SEPTIN9: variants seen among roughly 807,000 people sequenced by gnomAD.
SEPTIN9 encodes septin-9.
Under a neutral mutation model 56.6 loss-of-function variants are expected in SEPTIN9, and 13 were observed. The observed-to-expected ratio is 0.23, with a 90% CI of 0.15 to 0.37. The LOEUF (loss-of-function observed/expected upper bound fraction) is 0.37, where lower values mean the gene tolerates loss of function less well. SEPTIN9 is among the 10% of genes least tolerant of loss of function. The probability of loss-of-function intolerance (pLI) is 1.00; values close to 1 mark genes in which losing one functional copy is unlikely to be tolerated. For synonymous variants in SEPTIN9, 332 were observed against 334.1 expected, an observed-to-expected ratio of 0.99 and a Z score of 0.07; for missense variants, 650 against 823.1, an observed-to-expected ratio of 0.79 and a Z score of 2.57.
chr17:77,328,890 G>A (rs1212037921), intron 2 of SEPTIN9, among the ~76,000 whole-genome samples: 1 of 152,214 alleles, frequency 6.6e-6, no homozygotes, highest in Non-Finnish European at 1.5e-5. Flanking sequence ...GTGGCGAGGG[G>A]ATTAATGGAA....
intron 3 of SEPTIN9, among the ~76,000 whole-genome samples, chr17:77,441,004 T>TGGG (rs2037528601): frequency 6.6e-6 from 1 of 152,094 alleles, no homozygotes; most frequent in Non-Finnish European, 1.5e-5. Context: ...TGGAGTGAGC[T>TGGG]GGGGGAGAAG....
At chr17:77,393,906 C>A (rs994569963) in intron 2 of SEPTIN9, among the ~76,000 whole-genome samples, 14 of 152,126 alleles carry the variant, frequency 9.2e-5, no homozygotes, top group African/African-American at 2.9e-4. Context: ...CTTATTACCC[C>A]ATCACCTCCT....
chr17:77,394,757 A>G (rs1432829903), intron 2 of SEPTIN9, among the ~76,000 whole-genome samples: 1 of 152,168 alleles, frequency 6.6e-6, no homozygotes, highest in African/African-American at 2.4e-5. Flanking sequence ...GCGGTTTGCC[A>G]GGCAGCCTGT....
rs1318230682 is a variant in SEPTIN9 at position 77,292,988 on chromosome 17, GCATTTATTTATTTATT to G, written c.19+11435_19+11450del. Among the ~76,000 whole-genome samples, 39 of 147,832 alleles carry G rather than the reference GCATTTATTTATTTATT, an allele frequency of 2.6e-4. No individual in the cohort carries two copies. In the South Asian group the frequency reaches 3.9e-3, roughly 15 times the overall value. On this transcript the variant is annotated intron_variant, in intron 1 of 11. Coordinates refer to ENST00000427177, the MANE Select transcript of SEPTIN9 (RefSeq NM_001113491.2). The stretch of plus-strand genomic sequence containing the variant: ...TAACCAGGAAATGGAAACCGCTTGA[GCATTTATTTATTTATT>G]TATTTATTTATTTATTTATTTATTT...
intron 2 of SEPTIN9, among the ~76,000 whole-genome samples, chr17:77,385,538 A>G (rs958476313): frequency 6.6e-6 from 1 of 152,244 alleles, no homozygotes; most frequent in African/African-American, 2.4e-5. Flanking sequence ...CCCCTCTTAA[A>G]ACAAGAATAA....
In SEPTIN9 at chr17:77,372,077, C is replaced by T. The variant is rs1283346980; in HGVS notation, c.77-29982C>T. Among the ~76,000 whole-genome samples the T allele has an allele frequency of 2.6e-5, 4 of 152,178 alleles. No individual in the cohort carries two copies. In the East Asian group the frequency reaches 7.7e-4, roughly 29 times the overall value. On this transcript the variant is annotated intron_variant, in intron 2 of 11. Coordinates refer to ENST00000427177, the MANE Select transcript of SEPTIN9 (RefSeq NM_001113491.2). ...GATGAGCTGTCAGGCGCTCCCCGGC[C>T]ACACATTCAAGGGACCGGAGTGCAG...
At chr17:77,397,849 C>T (rs2035772626) in intron 2 of SEPTIN9, among the ~76,000 whole-genome samples, 1 of 152,156 alleles carries the variant, frequency 6.6e-6, no homozygotes, top group Admixed American at 6.5e-5. Flanking sequence ...CAGGGTTTTA[C>T]CATGTTGGCC....
chr17:77,286,045 T>C (rs962197169), intron 1 of SEPTIN9, among the ~76,000 whole-genome samples: 3 of 152,348 alleles, frequency 2.0e-5, no homozygotes, highest in Middle Eastern at 6.8e-3. Flanking sequence ...TCTCGCTGCC[T>C]CTTGCCTCCT....
intron 2 of SEPTIN9, among the ~76,000 whole-genome samples, chr17:77,394,250 A>G (rs1304302859): frequency 6.6e-6 from 1 of 152,174 alleles, no homozygotes; most frequent in Non-Finnish European, 1.5e-5. Flanking sequence ...GAGTGAAGAC[A>G]AGGAGGTGCC....
intron 3 of SEPTIN9, among the ~76,000 whole-genome samples, chr17:77,460,391 G>A (rs1381410435): frequency 2.0e-5 from 3 of 152,114 alleles, no homozygotes; most frequent in East Asian, 1.9e-4. Context: ...TGCTGGGGAG[G>A]AAAGAGCTAA....
intron 2 of SEPTIN9, among the ~76,000 whole-genome samples, chr17:77,359,665 C>A (rs557026942): frequency 2.0e-5 from 3 of 152,180 alleles, no homozygotes; most frequent in African/African-American, 7.2e-5. Context: ...GTGGTGGCAC[C>A]TGTAGACCCA....
Position 77,405,696 on chromosome 17 carries a change from G to A in SEPTIN9, c.721+2993G>A, listed in dbSNP as rs4789002. On this transcript the variant is annotated intron_variant, in intron 3 of 11. Transcript: ENST00000427177. The surrounding 1 kb of genome is among the most constrained non-coding windows in gnomAD (Gnocchi z 5.8). ...TCCGATGGGAGTGGCTTCTCGGGGGGCCCAGGCCTGAGCCCCACTAGTTCT... is the reference window on the plus strand; with the variant it reads ...TCCGATGGGAGTGGCTTCTCGGGGGACCCAGGCCTGAGCCCCACTAGTTCT... 0.024 allele frequency among the ~76,000 whole-genome samples: 3,625 copies of A among 152,064 alleles called. 155 individuals carry two copies. The highest frequency in any genetic ancestry group is 0.16 in the East Asian group (825 of 5,122).
chr17:77,331,824 A>G (rs1182560236), intron 2 of SEPTIN9, among the ~76,000 whole-genome samples: 1 of 152,126 alleles, frequency 6.6e-6, no homozygotes, highest in Non-Finnish European at 1.5e-5. Context: ...TTCCTGTCCT[A>G]ACTGGGCGGG....
At chr17:77,396,713 G>A (rs1217944450) in intron 2 of SEPTIN9, among the ~76,000 whole-genome samples, 4 of 152,122 alleles carry the variant, frequency 2.6e-5, no homozygotes, top group African/African-American at 4.8e-5. Context: ...AATGTTTCCC[G>A]GCTGGGTACA....
intron 7 of SEPTIN9, among the ~76,000 whole-genome samples, chr17:77,489,329 G>C (rs1357734101): frequency 6.6e-6 from 1 of 152,214 alleles, no homozygotes; most frequent in Non-Finnish European, 1.5e-5. Context: ...CGGGGCTGCT[G>C]TTGGTGTTGG....
intron 4 of SEPTIN9, chr17:77,482,745 C>T (rs2039511352): frequency 1.7e-6 from 1 of 583,768 alleles, no homozygotes; most frequent in African/African-American, 1.9e-5. Flanking sequence ...GGCTTCCCAG[C>T]AGCTCAGCTT....
At chr17:77,340,947 A>G (rs7221499) in intron 2 of SEPTIN9, among the ~76,000 whole-genome samples, 30,422 of 152,218 alleles carry the variant, frequency 0.2, 3,227 homozygotes, top group Middle Eastern at 0.27. Context: ...CCTTCATACC[A>G]TTGAAGAGAG....
Position 77,487,535 on chromosome 17 carries a change from TC to T in SEPTIN9, c.1026del (p.Lys343SerfsTer14). On this transcript the variant is annotated frameshift_variant, in exon 5 of 12. Coordinates refer to ENST00000427177, the MANE Select transcript of SEPTIN9 (RefSeq NM_001113491.2). LOFTEE classifies it high-confidence loss of function. This position sits in a 1 kb window ranked among gnomAD's most constrained non-coding sequence, Gnocchi z 4.3. ...SEERIPKTIEIKSITHDIEEK... is the reference protein window; with the variant it reads ...SEERIPKTIEXKSITHDIEEK... The stretch of plus-strand genomic sequence containing the variant: ...GAGCGCATCCCCAAGACCATCGAGA[TC>T]AAGTCCATCACGCACGGTCAGTGGC... 1 of 1,613,258 alleles carries T rather than the reference TC, an allele frequency of 6.2e-7. No individual in the cohort carries two copies. The highest frequency in any genetic ancestry group is 8.5e-7 in the Non-Finnish European group (1 of 1,179,808).
intron 2 of SEPTIN9, among the ~76,000 whole-genome samples, chr17:77,378,741 C>T (rs1037394785): frequency 6.6e-6 from 1 of 152,268 alleles, no homozygotes; most frequent in Admixed American, 6.5e-5. Context: ...CCATGGGACC[C>T]CCCTTTTCCT....
Sources: gnomAD v4.1 joint callset for allele counts (sites outside exome capture counted in the v4.1 genomes callset) on GRCh38, gnomAD v4.1.1 for gene constraint, Gnocchi (gnomAD v3.1) non-coding constraint, MANE v1.5 for transcripts, NCBI Gene and HGNC (gene_info 2026-07-23, HGNC 2026-07-21) for gene names.